TMEM135: variants seen among roughly 807,000 people sequenced by gnomAD.
The protein encoded by TMEM135 is transmembrane protein 135.
Under a neutral mutation model 60.3 loss-of-function variants are expected in TMEM135, and 30 were observed. The observed-to-expected ratio is 0.50, with a 90% CI of 0.37 to 0.68. The LOEUF is 0.68. Among genes scored for constraint, TMEM135 ranks in the 30% least tolerant of loss-of-function variants. The pLI is 0.00. For missense variants in TMEM135, 468 were observed against 548.8 expected, an observed-to-expected ratio of 0.85 and a Z score of 1.47; for synonymous variants, 190 against 186.7, an observed-to-expected ratio of 1.02 and a Z score of -0.14.
intron 5 of TMEM135, among the ~76,000 whole-genome samples, chr11:87,159,617 A>ACACACACACACACCCC (rs140303858): frequency 0.14 from 21,523 of 148,928 alleles, 2,049 homozygotes; most frequent in East Asian, 0.4. Flanking sequence ...ACACACACAC[A>ACACACACACACACCCC]CCATAGATTT....
chr11:87,167,548 T>C (rs747281718), intron 5 of TMEM135, among the ~76,000 whole-genome samples: 31 of 152,200 alleles, frequency 2.0e-4, no homozygotes, highest in Non-Finnish European at 3.4e-4. Flanking sequence ...AGGCCTTTTC[T>C]GCATCTATTG....
intron 6 of TMEM135, among the ~76,000 whole-genome samples, chr11:87,252,209 T>A (rs1276603610): frequency 6.6e-6 from 1 of 152,072 alleles, no homozygotes; most frequent in Admixed American, 6.6e-5. Context: ...AAGAGAAGAT[T>A]GAAGAAGCAG....
At chr11:87,207,007 AC>A (rs1473512140) in intron 5 of TMEM135, among the ~76,000 whole-genome samples, 1 of 152,178 alleles carries the variant, frequency 6.6e-6, no homozygotes, top group Non-Finnish European at 1.5e-5. Flanking sequence ...CATTTTATCT[AC>A]TTGTAACATG....
At position 87,325,013 on chromosome 11, in the gene TMEM135, G is replaced by A; in HGVS notation, c.*3680G>A. 1 of 453,982 alleles carries A rather than the reference G, an allele frequency of 2.2e-6. No individual in the cohort carries two copies. The highest frequency in any genetic ancestry group is 4.4e-6 in the Non-Finnish European group (1 of 226,748). 28.1% of individuals were successfully genotyped at this position (453,982 alleles called of 1,614,324 possible). A position where few individuals can be genotyped will look rare whatever the true frequency, so the allele number is the denominator to read the frequency against. ...AGGTTACCTTCATTGTGGAGGTGAT[G>A]TTTACAATTGCCTCCAGCCCTTTAC... On this transcript the variant is annotated 3_prime_UTR_variant, in exon 15 of 15. Coordinates refer to ENST00000305494, the MANE Select transcript of TMEM135 (RefSeq NM_022918.4).
chr11:87,114,887 A>G (rs2135204459), intron 4 of TMEM135, among the ~76,000 whole-genome samples: 1 of 152,176 alleles, frequency 6.6e-6, no homozygotes, highest in African/African-American at 2.4e-5. Flanking sequence ...TTTTATAACA[A>G]AGGGCTTTGA....
chr11:87,236,896 C>A (rs575985236), intron 6 of TMEM135, among the ~76,000 whole-genome samples: 75 of 150,858 alleles, frequency 5.0e-4, no homozygotes, highest in Non-Finnish European at 9.7e-4. Context: ...ATTCTCCCCA[C>A]CCCCCATTCT....
chr11:87,314,563 G>A lies in TMEM135; in HGVS notation c.1077+16G>A, dbSNP rs1037453956. 1.9e-6 allele frequency: 3 copies of A among 1,603,828 alleles called. No homozygotes were observed. In the African/African-American group the frequency reaches 4.0e-5, roughly 21 times the overall value. On this transcript the variant is annotated intron_variant, in intron 12 of 14. Coordinates refer to ENST00000305494, the MANE Select transcript of TMEM135 (RefSeq NM_022918.4). The stretch of plus-strand genomic sequence containing the variant: ...ATTGGTAGAGGTAAGCGAAATTTTT[G>A]TGCAAGAATAGTTCCAAAGAACATA...
At chr11:87,208,796 A>T (rs1940296279) in intron 5 of TMEM135, among the ~76,000 whole-genome samples, 1 of 152,184 alleles carries the variant, frequency 6.6e-6, no homozygotes, top group Non-Finnish European at 1.5e-5. Flanking sequence ...AAAAGAAAAA[A>T]TCTTAAAGGC....
chr11:87,288,205 C>T (rs1192583039), intron 6 of TMEM135, among the ~76,000 whole-genome samples: 3 of 151,996 alleles, frequency 2.0e-5, no homozygotes, highest in Admixed American at 1.3e-4. Flanking sequence ...ATTTTAGCAC[C>T]AATGCTAAAT....
intron 7 of TMEM135, among the ~76,000 whole-genome samples, chr11:87,299,187 A>G (rs1488749975): frequency 6.6e-6 from 1 of 152,228 alleles, no homozygotes; most frequent in African/African-American, 2.4e-5. Flanking sequence ...ACACTGCTAT[A>G]AAGATACTAC....
intron 4 of TMEM135, among the ~76,000 whole-genome samples, chr11:87,131,093 A>G (rs373200349): frequency 1.3e-5 from 2 of 152,080 alleles, no homozygotes; most frequent in African/African-American, 4.8e-5. Context: ...TTTGCTTTAT[A>G]GAAACCTTGA....
intron 5 of TMEM135, among the ~76,000 whole-genome samples, chr11:87,198,910 C>T (rs926254447): frequency 1.2e-4 from 19 of 152,102 alleles, no homozygotes; most frequent in Admixed American, 9.8e-4. Context: ...TTTTGCTAGG[C>T]ACTAGGGATT....
chr11:87,086,496 G>A (rs1261097572), intron 3 of TMEM135, among the ~76,000 whole-genome samples: 1 of 152,136 alleles, frequency 6.6e-6, no homozygotes, highest in African/African-American at 2.4e-5. Context: ...ATTTTATTAA[G>A]CGGTGGAACA....
chr11:87,307,535 T>C (rs1226764119), intron 9 of TMEM135, among the ~76,000 whole-genome samples: 1 of 152,014 alleles, frequency 6.6e-6, no homozygotes, highest in Admixed American at 6.6e-5. Context: ...ATTTGAGAAA[T>C]TTGGCGTGGG....
chr11:87,181,287 T>C (rs1316104028), intron 5 of TMEM135, among the ~76,000 whole-genome samples: 1 of 151,736 alleles, frequency 6.6e-6, no homozygotes, highest in East Asian at 1.9e-4. Flanking sequence ...ATCTGAACAA[T>C]AAAGATAAAA....
rs373259120 is a variant in TMEM135 at position 87,130,120 on chromosome 11, T to A, written c.397-27221T>A. 2.7e-3 allele frequency among the ~76,000 whole-genome samples: 357 copies of A among 132,120 alleles called. 3 individuals are homozygous for A. The highest frequency in any genetic ancestry group is 0.012 in the Middle Eastern group (3 of 258). 86.7% of individuals were successfully genotyped at this position (132,120 alleles called of 152,430 possible). ...GGTGACTTGCAGTATAAGTACATTT[T>A]TAAAAAAAAAAAATTATAAGGAGTC... On this transcript the variant is annotated intron_variant, in intron 4 of 14. Coordinates refer to ENST00000305494, the MANE Select transcript of TMEM135 (RefSeq NM_022918.4).
At chr11:87,146,415 G>A (rs1231977715) in intron 4 of TMEM135, among the ~76,000 whole-genome samples, 3 of 152,124 alleles carry the variant, frequency 2.0e-5, no homozygotes, top group Admixed American at 6.5e-5. Flanking sequence ...CTTGGGAGTA[G>A]TGCATCACCA....
intron 1 of TMEM135, among the ~76,000 whole-genome samples, chr11:87,056,674 T>G (rs11234935): frequency 0.15 from 23,265 of 152,134 alleles, 1,849 homozygotes; most frequent in Non-Finnish European, 0.17. Context: ...GAGGCAGTTG[T>G]TATTTTTTAG....
chr11:87,193,121 A>AT (rs1372452190), intron 5 of TMEM135, among the ~76,000 whole-genome samples: 3 of 151,994 alleles, frequency 2.0e-5, no homozygotes, highest in African/African-American at 4.8e-5. Flanking sequence ...AAAAATTGTC[A>AT]TTTTTTGTGT....
Sources: allele counts gnomAD v4.1 joint callset (sites outside exome capture counted in the v4.1 genomes callset), GRCh38; gene constraint gnomAD v4.1.1; transcripts MANE v1.5; gene names NCBI Gene and HGNC (gene_info 2026-07-23, HGNC 2026-07-21).